ABCA9: variants seen among roughly 807,000 people sequenced by gnomAD.
ABCA9 encodes ATP binding cassette subfamily A member 9, also known as ATP-binding cassette sub-family A member 9.
In ABCA9, 183 loss-of-function variants were observed where a neutral mutation model predicts 205.3. The observed-to-expected ratio is 0.89, with a 90% CI of 0.79 to 1.01. The LOEUF is 1.01. Among genes scored for constraint, ABCA9 ranks in the 50% least tolerant of loss-of-function variants. The pLI is 0.00. For synonymous variants in ABCA9, 651 were observed against 683.3 expected, an observed-to-expected ratio of 0.95 and a Z score of 0.74; for missense variants, 1,805 against 1,912.4, an observed-to-expected ratio of 0.94 and a Z score of 1.05.
intron 28 of ABCA9, among the ~76,000 whole-genome samples, chr17:68,991,608 C>G (rs987732280): frequency 1.3e-5 from 2 of 152,198 alleles, no homozygotes; most frequent in Admixed American, 6.5e-5. Context: ...CTCTTCTCTG[C>G]TACCACAAAC....
At chr17:68,997,437 A>G (rs1166351909) in intron 25 of ABCA9, among the ~76,000 whole-genome samples, 2 of 152,042 alleles carry the variant, frequency 1.3e-5, no homozygotes, top group African/African-American at 2.4e-5. Context: ...TCCCAAAGTT[A>G]TTTGATCTTC....
chr17:69,020,332 CTT>C, intron 19 of ABCA9, 54 bp downstream of exon 19: 6 of 1,506,596 alleles, frequency 4.0e-6, no homozygotes, highest in Non-Finnish European at 5.4e-6. Flanking sequence ...GTTTTGCTCT[CTT>C]AAATTTATTT....
rs181042847 is a variant in ABCA9 at position 69,001,306 on chromosome 17, A to C, written c.3436-5292T>G. ...TGAATGTCCCATCAATACCTAATTTATTGAGAGTTTTTAGCATGCAAGGTT... is the reference window on the plus strand; with the variant it reads ...TGAATGTCCCATCAATACCTAATTTCTTGAGAGTTTTTAGCATGCAAGGTT... On this transcript the variant is annotated intron_variant, in intron 25 of 38. Transcript: ENST00000340001. 5.9e-5 allele frequency among the ~76,000 whole-genome samples: 9 copies of C among 152,292 alleles called. No homozygotes were observed. The East Asian group carries it at 1.7e-3, about 29-fold the overall frequency.
intron 6 of ABCA9, 21 bp from the exon 7 acceptor site, chr17:69,035,822 T>C (rs1462188468): frequency 6.2e-7 from 1 of 1,604,638 alleles, no homozygotes; most frequent in Admixed American, 1.7e-5. Flanking sequence ...AACAAAGCCG[T>C]CAGTTAGAAT....
chr17:69,009,350 GGGTGACC>G (rs1239467933), intron 23 of ABCA9, among the ~76,000 whole-genome samples: 3 of 152,130 alleles, frequency 2.0e-5, no homozygotes, highest in Non-Finnish European at 4.4e-5. Context: ...GGATATATCT[GGGTGACC>G]GGTCAGAAAG....
Position 69,033,789 on chromosome 17 carries a change from T to C in ABCA9, c.1213A>G (p.Met405Val), listed in dbSNP as rs138002471. Residue 405 changes from methionine to valine, a missense_variant, in exon 9 of 39, where the codon ATG becomes GTG. Transcript: ENST00000340001. ...TACAGAAGGGTGTCAAAAACCAACA[T>C]GAAAAGAGTAGCTATTATGAGGTAT... ...NPYLIIATLF[M>V]LVFDTLLYLV... 2.5e-6 allele frequency: 4 copies of C among 1,611,610 alleles called. No individual in the cohort carries two copies. Among genetic ancestry groups the C allele is most frequent in the Admixed American group, 1.7e-5 (1 of 59,916 alleles).
At position 69,024,350 on chromosome 17, in the gene ABCA9, C is replaced by T; in HGVS notation, c.2145G>A (p.Leu715=). The change falls in exon 17 of 39, where the codon TTG becomes TTA. Residue 715 remains leucine, a synonymous_variant. Coordinates refer to ENST00000340001, the MANE Select transcript of ABCA9 (RefSeq NM_080283.4). ...CTGGATCACACCTTTCATTCAGATG[C>T]AAACTAACATTTAAAAAGAATAAAA... ...KKWGIGYHLS[L]HLNERCDPES... is the part of the protein sequence containing the mutation. The T allele has an allele frequency of 6.4e-7, 1 of 1,572,102 alleles. No individual in the cohort carries two copies. Among genetic ancestry groups the T allele is most frequent in the Non-Finnish European group, 8.6e-7 (1 of 1,163,432 alleles).
At chr17:69,009,147 G>A (rs2070276557) in intron 23 of ABCA9, among the ~76,000 whole-genome samples, 1 of 152,162 alleles carries the variant, frequency 6.6e-6, no homozygotes, top group African/African-American at 2.4e-5. Flanking sequence ...ATAAATTTAA[G>A]TTGCAGGGGA....
chr17:69,058,636 G>A (rs934029392), intron 1 of ABCA9, among the ~76,000 whole-genome samples: 8 of 151,938 alleles, frequency 5.3e-5, no homozygotes, highest in South Asian at 2.1e-4. Context: ...TCAGGAGTTC[G>A]AGACCAGCCT....
At chr17:69,048,769 A>C (rs1391500976) in intron 3 of ABCA9, among the ~76,000 whole-genome samples, 3 of 152,206 alleles carry the variant, frequency 2.0e-5, no homozygotes, top group Non-Finnish European at 2.9e-5. Flanking sequence ...AAGTTTCTTC[A>C]GGACCATCAG....
rs779807963 is a variant in ABCA9, at chr17:69,020,406, C to T, written c.2582G>A (p.Arg861Lys). Residue 861 changes from arginine (R) to lysine (K), a missense_variant, in exon 19 of 39, where the codon AGA (arginine) becomes AAA (lysine). Physicochemically the swap from Arg to Lys is conservative, Grantham distance 26. Coordinates refer to ENST00000340001, the MANE Select transcript of ABCA9 (RefSeq NM_080283.4). ...KVRFLKLKKERKSLWTILLLF... is the reference protein window; with the variant it reads ...KVRFLKLKKEKKSLWTILLLF... ...TACTCACATAGTCCACAGGCTTTTT[C>T]TTTCTTTCTTTAACTTTAGGAAGCG... 1 of 1,612,636 alleles carries T rather than the reference C, an allele frequency of 6.2e-7. No individual in the cohort carries two copies. The highest frequency in any genetic ancestry group is 8.5e-7 in the Non-Finnish European group (1 of 1,179,440).
chr17:69,072,418 C>A, the ABCA9 span, among the ~76,000 whole-genome samples: 1 of 152,078 alleles, frequency 6.6e-6, no homozygotes, highest in African/African-American at 2.4e-5. Context: ...CCCTACAGGC[C>A]AGAAGAGAGT....
intron 1 of ABCA9, among the ~76,000 whole-genome samples, chr17:69,060,129 G>A (rs943108627): frequency 8.6e-5 from 13 of 152,046 alleles, no homozygotes; most frequent in Admixed American, 3.9e-4. Flanking sequence ...ATCTCTGAGC[G>A]TTAAGACTGA....
rs71144650 is a variant in ABCA9 at position 69,046,875 on chromosome 17, C to CTATA, written c.305-1543_305-1540dup. Among the ~76,000 whole-genome samples, 1,247 of 127,544 alleles carry CTATA rather than the reference C, an allele frequency of 9.8e-3. 5 individuals carry two copies. Among genetic ancestry groups the CTATA allele is most frequent in the African/African-American group, 0.013 (421 of 33,292 alleles). The allele number at this position is 127,544 out of a possible 152,430, so 83.7% of individuals were successfully genotyped here. A position where few individuals can be genotyped will look rare whatever the true frequency, so the allele number is the denominator to read the frequency against. Reference sequence around the variant, plus strand: ...CACATTGCCTGAAGGCGATTTTATACTATATATATATATATATATATATAT... The same window carrying CTATA: ...CACATTGCCTGAAGGCGATTTTATACTATATATATATATATATATATATATATAT... On this transcript the variant is annotated intron_variant, in intron 3 of 38. Coordinates refer to ENST00000340001, the MANE Select transcript of ABCA9 (RefSeq NM_080283.4).
At chr17:69,035,504 T>C in intron 7 of ABCA9, 73 bp from the exon 8 acceptor site, 4 of 1,369,522 alleles carry the variant, frequency 2.9e-6, no homozygotes, top group Non-Finnish European at 3.9e-6. Flanking sequence ...AATTTTATAT[T>C]ATAAAAGTAT....
At chr17:69,040,509 A>G (rs2071496307) in intron 6 of ABCA9, among the ~76,000 whole-genome samples, 1 of 152,188 alleles carries the variant, frequency 6.6e-6, no homozygotes, top group Non-Finnish European at 1.5e-5. Flanking sequence ...AACAATGAGA[A>G]CATATGGGCA....
chr17:69,004,733 ATCT>A (rs1481594518), intron 25 of ABCA9: 1 of 159,374 alleles, frequency 6.3e-6, no homozygotes, highest in East Asian at 1.9e-4. Context: ...TTGCAGTTTG[ATCT>A]CAGACTGCTG....
Position 69,028,563 on chromosome 17 carries a change from T to C in ABCA9, c.1587A>G (p.Ile529Met). Residue 529 changes from isoleucine (I) to methionine (M), a missense_variant, in exon 12 of 39, where the codon ATA becomes ATG. Coordinates refer to ENST00000340001, the MANE Select transcript of ABCA9 (RefSeq NM_080283.4). The stretch of plus-strand genomic sequence containing the variant: ...ATGTTGGAACTGACAACCCACTAAG[T>C]ATGTTTAACAGGGTAGTTTTTCCAG... ...SGAGKTTLLNILSGLSVPTSG... is the reference protein window; with the variant it reads ...SGAGKTTLLNMLSGLSVPTSG... The C allele has an allele frequency of 1.2e-6, 2 of 1,609,356 alleles. No individual in the cohort carries two copies. Among genetic ancestry groups the C allele is most frequent in the Non-Finnish European group, 1.7e-6 (2 of 1,177,422 alleles).
chr17:69,062,484 T>C (rs1401998496), upstream of ABCA9, among the ~76,000 whole-genome samples: 1 of 151,980 alleles, frequency 6.6e-6, no homozygotes, highest in Admixed American at 6.6e-5. Flanking sequence ...TAATATTTTC[T>C]AGATTAAACA....
Sources: allele counts gnomAD v4.1 joint callset (sites outside exome capture counted in the v4.1 genomes callset), GRCh38; gene constraint gnomAD v4.1.1; transcripts MANE v1.5; gene names NCBI Gene and HGNC (gene_info 2026-07-23, HGNC 2026-07-21).